RBM47: variants seen among roughly 807,000 people sequenced by gnomAD.
RBM47 encodes RNA-binding protein 47.
A neutral mutation model predicts 47.1 loss-of-function variants in RBM47; 21 were observed. The ratio of observed to expected loss-of-function variants is 0.45; its 90% CI spans 0.32 to 0.64. RBM47 has a LOEUF of 0.64. Ranked by LOEUF, RBM47 falls within the 30% of genes least tolerant of loss-of-function variation. The pLI is 0.05. For synonymous variants in RBM47, 375 were observed against 361.7 expected (o/e 1.04, Z -0.42); for missense variants, 708 against 870.9 (o/e 0.81, Z 2.35).
chr4:40,503,847 C>T (rs939875778), intron 2 of RBM47, among the ~76,000 whole-genome samples: 23 of 151,530 alleles, frequency 1.5e-4, no homozygotes, highest in African/African-American at 2.7e-4. Flanking sequence ...ACAATAGGGA[C>T]GCAAAAGAGG....
intron 1 of RBM47, among the ~76,000 whole-genome samples, chr4:40,625,784 G>C (rs766054492): frequency 2.8e-4 from 42 of 152,118 alleles, no homozygotes; most frequent in Non-Finnish European, 5.0e-4. Context: ...ACTGGATGTT[G>C]TTTTCTTGAT....
At chr4:40,574,215 GT>G (rs1313725887) in intron 1 of RBM47, among the ~76,000 whole-genome samples, 1 of 152,136 alleles carries the variant, frequency 6.6e-6, no homozygotes, top group Non-Finnish European at 1.5e-5. Flanking sequence ...TCCTCCTAAA[GT>G]TTTACATAAA....
At chr4:40,528,988 T>TAAAG (rs1268637018) in intron 2 of RBM47, among the ~76,000 whole-genome samples, 1 of 149,044 alleles carries the variant, frequency 6.7e-6, no homozygotes, top group African/African-American at 2.5e-5. Context: ...AAATAAATAA[T>TAAAG]AAAGAAAGAA....
upstream of RBM47, chr4:40,630,672 C>T (rs1325484367): frequency 2.0e-5 from 3 of 152,216 alleles, no homozygotes; most frequent in African/African-American, 7.2e-5. Context: ...GCCAAGCCCT[C>T]GCTTCACCTT....
chr4:40,450,362 G>C (rs1715218959), intron 3 of RBM47, among the ~76,000 whole-genome samples: 1 of 152,176 alleles, frequency 6.6e-6, no homozygotes, highest in Admixed American at 6.5e-5. Context: ...GGGAGGCTGA[G>C]GCGGCCTGAT....
At chr4:40,482,243 C>T (rs1720534216) in intron 2 of RBM47, among the ~76,000 whole-genome samples, 1 of 151,496 alleles carries the variant, frequency 6.6e-6, no homozygotes, top group African/African-American at 2.4e-5. Context: ...GCCTGCATTC[C>T]CTTTTTTATC....
Position 40,553,486 on chromosome 4 carries a change from T to C in RBM47, c.-239-8980A>G, listed in dbSNP as rs139726465. On this transcript the variant is annotated intron_variant, in intron 1 of 6. Coordinates refer to ENST00000295971, the MANE Select transcript of RBM47 (RefSeq NM_001098634.2). ...CTATTTTTTGTATTTTTAGTAAAGA[T>C]GGCATTTCACCATGTTGCCAGGCAG... is the stretch of plus-strand genomic sequence containing the variant. Among the ~76,000 whole-genome samples, 110 of 152,186 alleles carry C rather than the reference T, an allele frequency of 7.2e-4. No homozygotes were observed. The East Asian group carries it at 7.7e-3, about 11-fold the overall frequency.
intron 4 of RBM47, among the ~76,000 whole-genome samples, chr4:40,437,159 T>TATATATATAATAC (rs1420137443): frequency 0.016 from 98 of 6,310 alleles, 2 homozygotes; most frequent in African/African-American, 0.027. Flanking sequence ...ATAAAATACA[T>TATATATATAATAC]ATATATATAT....
At chr4:40,569,660 T>C (rs755765106) in intron 1 of RBM47, among the ~76,000 whole-genome samples, 70 of 151,828 alleles carry the variant, frequency 4.6e-4, no homozygotes, top group Admixed American at 3.7e-3. Context: ...CCGCCCGCCT[T>C]GGCCTCCCAA....
At chr4:40,487,948 G>A (rs76517799) in intron 2 of RBM47, among the ~76,000 whole-genome samples, 2,038 of 152,020 alleles carry the variant, frequency 0.013, 48 homozygotes, top group African/African-American at 0.046. Context: ...GGAAAAAAAC[G>A]GAACGCACAT....
At chr4:40,559,428 C>T (rs865878410) in intron 1 of RBM47, among the ~76,000 whole-genome samples, 1 of 152,168 alleles carries the variant, frequency 6.6e-6, no homozygotes. Context: ...AGAAACTATA[C>T]AGAGAAGCTG....
chr4:40,580,031 T>C lies in RBM47; in HGVS notation c.-239-35525A>G, dbSNP rs184172583. ...CCTTGACCTCCCAAAGTGCTGGGAT[T>C]ACAGGAGTGAGCCACCGCTTCCGGC... On this transcript the variant is annotated intron_variant, in intron 1 of 6. Transcript: ENST00000295971. Among the ~76,000 whole-genome samples, 158 of 152,286 alleles carry C rather than the reference T, an allele frequency of 1.0e-3. 1 individual carries two copies. The highest frequency in any genetic ancestry group is 8.4e-3 in the Admixed American group (128 of 15,290).
intron 1 of RBM47, among the ~76,000 whole-genome samples, chr4:40,604,880 C>T (rs564218341): frequency 6.6e-6 from 1 of 152,232 alleles, no homozygotes; most frequent in South Asian, 2.1e-4. Context: ...CCACGCCTGA[C>T]TAATTTTTGT....
At chr4:40,451,451 A>G (rs1406950559) in intron 3 of RBM47, among the ~76,000 whole-genome samples, 1 of 152,180 alleles carries the variant, frequency 6.6e-6, no homozygotes, top group Non-Finnish European at 1.5e-5. Flanking sequence ...AAAGCATCCA[A>G]CTGTCTCATT....
intron 2 of RBM47, among the ~76,000 whole-genome samples, chr4:40,509,449 C>CA (rs1229032824): frequency 6.6e-6 from 1 of 152,082 alleles, no homozygotes; most frequent in Non-Finnish European, 1.5e-5. Flanking sequence ...TAGAAATTTA[C>CA]ATGTTGGTGA....
chr4:40,528,625 C>T (rs1727005292), intron 2 of RBM47, among the ~76,000 whole-genome samples: 1 of 151,442 alleles, frequency 6.6e-6, no homozygotes. Flanking sequence ...CCTAGCCAGG[C>T]ATGGTGGCAT....
rs1282794142 is a variant in RBM47 at position 40,561,024 on chromosome 4, A to G, written c.-239-16518T>C. Among the ~76,000 whole-genome samples, 5 of 151,584 alleles carry G rather than the reference A, an allele frequency of 3.3e-5. No individual in the cohort carries two copies. In the East Asian group the frequency reaches 7.7e-4, roughly 23 times the overall value. On this transcript the variant is annotated intron_variant, in intron 1 of 6. Transcript: ENST00000295971. ...TTCTCTCACTATTTCCCACATTCTT[A>G]GCACTGCCTACGTGTCAGGAACTGC...
At chr4:40,607,090 G>C (rs1271079872) in intron 1 of RBM47, among the ~76,000 whole-genome samples, 1 of 152,040 alleles carries the variant, frequency 6.6e-6, no homozygotes, top group African/African-American at 2.4e-5. Context: ...TCAAAGTCCA[G>C]CTGAACCCAA....
chr4:40,530,547 G>A (rs531971567), intron 2 of RBM47, among the ~76,000 whole-genome samples: 17 of 151,530 alleles, frequency 1.1e-4, no homozygotes, highest in African/African-American at 3.6e-4. Flanking sequence ...TGATCCACCC[G>A]TCTCGGCCTC....
Sources: gnomAD v4.1 joint callset for allele counts (sites outside exome capture counted in the v4.1 genomes callset) on GRCh38, gnomAD v4.1.1 for gene constraint, MANE v1.5 for transcripts, NCBI Gene and HGNC (gene_info 2026-07-23, HGNC 2026-07-21) for gene names.